Variants in NCOA3 observed in about 807,000 individuals in gnomAD.
The protein encoded by NCOA3 is CBP-interacting protein.
In NCOA3, 51 loss-of-function variants were observed where a neutral mutation model predicts 158.8. The ratio of observed to expected loss-of-function variants is 0.32; its 90% confidence interval spans 0.26 to 0.41. NCOA3 has a LOEUF of 0.41. NCOA3 is among the 10% of genes least tolerant of loss of function. NCOA3 has a pLI of 1.00. For synonymous variants in NCOA3, 537 were observed against 592.4 expected (o/e 0.91, Z 1.36); for missense variants, 1,510 against 1,746.6 (o/e 0.86, Z 2.41).
In NCOA3 at chr20:47,503,128, A is replaced by C. The variant is rs544189263; in HGVS notation, c.-99+1109A>C. On this transcript the variant is annotated intron_variant, in intron 1 of 22. Transcript: ENST00000371998. Reference sequence around the variant, plus strand: ...TAAATGGAGTTGAATGAGATGCGTGAGAGTGGTAGTAGTATTGAGTAAGAT... The same window carrying C: ...TAAATGGAGTTGAATGAGATGCGTGCGAGTGGTAGTAGTATTGAGTAAGAT... Among the ~76,000 whole-genome samples, 8 of 152,256 alleles carry C rather than the reference A, an allele frequency of 5.3e-5. 1 individual carries two copies. In the South Asian group the frequency reaches 1.7e-3, roughly 32 times the overall value.
At chr20:47,620,716 G>A (rs997249732) in intron 2 of NCOA3, among the ~76,000 whole-genome samples, 3 of 152,124 alleles carry the variant, frequency 2.0e-5, no homozygotes, top group Admixed American at 1.3e-4. Flanking sequence ...TTAAATAACC[G>A]TCGTTCATTT....
chr20:47,558,361 C>T (rs1016851104), intron 1 of NCOA3, among the ~76,000 whole-genome samples: 4 of 148,462 alleles, frequency 2.7e-5, no homozygotes, highest in Non-Finnish European at 4.4e-5. Context: ...GGATTACAGA[C>T]GTGAGCCACC....
chr20:47,563,376 A>G (rs975479424), intron 1 of NCOA3, among the ~76,000 whole-genome samples: 2 of 152,142 alleles, frequency 1.3e-5, no homozygotes, highest in African/African-American at 4.8e-5. Context: ...CTGATAGGGG[A>G]TGTTTATGAT....
intron 1 of NCOA3, among the ~76,000 whole-genome samples, chr20:47,510,050 A>G (rs914657698): frequency 2.6e-5 from 4 of 152,232 alleles, no homozygotes; most frequent in East Asian, 1.9e-4. Flanking sequence ...TATCTTTGTC[A>G]TATAATAAGA....
At chr20:47,503,136 A>G (rs2083968507) in intron 1 of NCOA3, among the ~76,000 whole-genome samples, 1 of 152,160 alleles carries the variant, frequency 6.6e-6, no homozygotes. Flanking sequence ...TGAGAGTGGT[A>G]GTAGTATTGA....
intron 1 of NCOA3, among the ~76,000 whole-genome samples, chr20:47,576,859 C>T (rs1313680887): frequency 6.6e-6 from 1 of 152,222 alleles, no homozygotes; most frequent in African/African-American, 2.4e-5. Flanking sequence ...CTCCCACCCT[C>T]TTTCCTGTAT....
At position 47,647,205 on chromosome 20, in the gene NCOA3, C is replaced by G. The variant is rs775201273; in HGVS notation, c.3385C>G (p.Gln1129Glu). The change falls in exon 18 of 23, where the codon CAG becomes GAG. Residue 1129 changes from glutamine to glutamate, a missense_variant. Around this residue, in one of 4 missense-constraint regions of NCOA3, gnomAD observed 1,017 missense variants for 1,098.3 expected, o/e 0.93. Transcript: ENST00000371998. ...TCCAATGCAAGGAGGCTTTCATCTTCAGGGACAATCACCATCTTTTAACTC... is the reference window on the plus strand; with the variant it reads ...TCCAATGCAAGGAGGCTTTCATCTTGAGGGACAATCACCATCTTTTAACTC... ...GPPMQGGFHL[Q>E]GQSPSFNSMM... 1.2e-5 allele frequency: 19 copies of G among 1,614,076 alleles called. No individual in the cohort carries two copies. The African/African-American group carries it at 2.4e-4, about 20-fold the overall frequency.
intron 1 of NCOA3, among the ~76,000 whole-genome samples, chr20:47,558,352 G>C (rs1348038101): frequency 6.7e-6 from 1 of 148,730 alleles, no homozygotes. Flanking sequence ...AAAGTGCTGG[G>C]ATTACAGACG....
At chr20:47,538,662 T>A (rs1343091924) in intron 1 of NCOA3, among the ~76,000 whole-genome samples, 1 of 152,058 alleles carries the variant, frequency 6.6e-6, no homozygotes, top group East Asian at 1.9e-4. Flanking sequence ...CTCAGCCTCC[T>A]GAGTAGCTGG....
At position 47,635,480 on chromosome 20, in the gene NCOA3, C is replaced by G; in HGVS notation, c.1271C>G (p.Thr424Ser). 6.2e-7 allele frequency: 1 copy of G among 1,614,042 alleles called. No homozygotes were observed. Among genetic ancestry groups the G allele is most frequent in the East Asian group, 2.2e-5 (1 of 44,862 alleles). ...GCCTATGGCTTGGCAGACCCTAGCA[C>G]CACAGGGCAGATGAGTGGAGCTAGG... The part of the protein sequence containing the change: ...SRAYGLADPS[T>S]TGQMSGARYG... Residue 424 changes from threonine to serine, a missense_variant, in exon 11 of 23, where the codon ACC becomes AGC. This residue lies in a region of NCOA3 where 1,017 missense variants were observed against 1,098.3 expected (regional missense o/e 0.93). Coordinates refer to ENST00000371998, the MANE Select transcript of NCOA3 (RefSeq NM_181659.3).
At chr20:47,572,752 C>T (rs951271803) in intron 1 of NCOA3, among the ~76,000 whole-genome samples, 8 of 151,968 alleles carry the variant, frequency 5.3e-5, no homozygotes, top group African/African-American at 9.7e-5. Flanking sequence ...TGTCAGGCTG[C>T]TCTTGGGCTC....
chr20:47,511,208 A>G (rs960124498), intron 1 of NCOA3, among the ~76,000 whole-genome samples: 3 of 151,588 alleles, frequency 2.0e-5, no homozygotes, highest in Non-Finnish European at 2.9e-5. Flanking sequence ...ATCAGGGTAC[A>G]GCATGTTGAA....
chr20:47,640,232 C>A lies in NCOA3; in HGVS notation c.3080+181C>A, dbSNP rs1192446813. Among the ~76,000 whole-genome samples the A allele has an allele frequency of 2.0e-5, 3 of 152,142 alleles. No homozygotes were observed. The South Asian group carries it at 6.2e-4, about 31-fold the overall frequency. On this transcript the variant is annotated intron_variant, in intron 16 of 22. Transcript: ENST00000371998. ...AATGAGGCTGAAGCAGTAAGCAGTG[C>A]GTGTGGCATTCACAGGAGAGGGAGG...
chr20:47,532,194 A>C (rs2084558663), intron 1 of NCOA3, among the ~76,000 whole-genome samples: 1 of 151,714 alleles, frequency 6.6e-6, no homozygotes, highest in Non-Finnish European at 1.5e-5. Context: ...AGTGATACTT[A>C]AACAAGGACA....
intron 1 of NCOA3, among the ~76,000 whole-genome samples, chr20:47,575,106 C>T (rs2085352065): frequency 6.6e-6 from 1 of 152,108 alleles, no homozygotes. Context: ...TTCCCCCAGC[C>T]TTATGCTAGA....
At chr20:47,615,184 T>A (rs2146285476) in intron 2 of NCOA3, among the ~76,000 whole-genome samples, 1 of 152,298 alleles carries the variant, frequency 6.6e-6, no homozygotes, top group East Asian at 1.9e-4. Flanking sequence ...GGTAAATAAA[T>A]TACAGTATAT....
At chr20:47,574,316 G>A (rs1025195720) in intron 1 of NCOA3, among the ~76,000 whole-genome samples, 1 of 152,058 alleles carries the variant, frequency 6.6e-6, no homozygotes, top group Non-Finnish European at 1.5e-5. Context: ...TACAAGGAAC[G>A]TGTAGATTTC....
intron 1 of NCOA3, among the ~76,000 whole-genome samples, chr20:47,582,796 G>C (rs2085474098): frequency 6.6e-6 from 1 of 152,130 alleles, no homozygotes; most frequent in Admixed American, 6.6e-5. Flanking sequence ...GGAAAAATGG[G>C]AAGACTTAAT....
At position 47,639,028 on chromosome 20, in the gene NCOA3, G is replaced by C. The variant is rs765894150; in HGVS notation, c.2533G>C (p.Val845Leu). ...NSLGLKSSQSVQSIRPPYNRA... is the reference protein window; with the variant it reads ...NSLGLKSSQSLQSIRPPYNRA... ...AACAGGTTTGAAAAGTTCACAGTCT[G>C]TGCAGTCTATTCGTCCTCCATATAA... is the stretch of plus-strand genomic sequence containing the variant. The change falls in exon 14 of 23, where the codon GTG becomes CTG. Residue 845 changes from valine to leucine, a missense_variant. Around this residue, in one of 4 missense-constraint regions of NCOA3, gnomAD observed 1,017 missense variants for 1,098.3 expected, o/e 0.93. Transcript: ENST00000371998. 1.2e-5 allele frequency: 20 copies of C among 1,612,870 alleles called. No homozygotes were observed. The highest frequency in any genetic ancestry group is 1.5e-5 in the Non-Finnish European group (18 of 1,179,548).
Sources: allele counts gnomAD v4.1 joint callset (sites outside exome capture counted in the v4.1 genomes callset), GRCh38; gene constraint gnomAD v4.1.1; regional missense constraint gnomAD v4.1.1; transcripts MANE v1.5; gene names NCBI Gene and HGNC (gene_info 2026-07-23, HGNC 2026-07-21).